The following ZNRF3 variants were observed in gnomAD, a reference collection of about 807,000 sequenced individuals.
ZNRF3 encodes E3 ubiquitin-protein ligase ZNRF3.
In ZNRF3, 23 loss-of-function variants were observed where a neutral mutation model predicts 72.5. The observed-to-expected ratio is 0.32, with a 90% CI of 0.23 to 0.45. The LOEUF is 0.45. ZNRF3 is among the 20% of genes least tolerant of loss of function. The probability of loss-of-function intolerance (pLI) is 1.00; values close to 1 mark genes in which losing one functional copy is unlikely to be tolerated. For synonymous variants in ZNRF3, 610 were observed against 545.3 expected, an observed-to-expected ratio of 1.12 and a Z score of -1.65; for missense variants, 1,169 against 1,272.1, an observed-to-expected ratio of 0.92 and a Z score of 1.23.
At chr22:29,013,909 G>A (rs979617647) in intron 2 of ZNRF3, among the ~76,000 whole-genome samples, 21 of 152,194 alleles carry the variant, frequency 1.4e-4, no homozygotes, top group Non-Finnish European at 2.6e-4. Context: ...TGGTTAGGCT[G>A]GGCGCAATGC....
chr22:28,966,847 A>C (rs1373626462), intron 1 of ZNRF3, among the ~76,000 whole-genome samples: 1 of 151,064 alleles, frequency 6.6e-6, no homozygotes, highest in South Asian at 2.1e-4. Flanking sequence ...CCTAAGTTAC[A>C]GGCACATAGT....
chr22:28,892,357 T>C (rs779160556), intron 1 of ZNRF3, among the ~76,000 whole-genome samples: 7 of 152,196 alleles, frequency 4.6e-5, no homozygotes, highest in Admixed American at 1.3e-4. Flanking sequence ...AAACAGCCTA[T>C]AGGATACTGA....
chr22:29,050,010 C>G lies in ZNRF3; in HGVS notation c.1829C>G (p.Ala610Gly), dbSNP rs769992605. ...RSRSPCRASE[A>G]GGSGSSGRGP... ...CGGAGCCCCTGTCGTGCCAGTGAGG[C>G]GGGGGGCTCGGGCAGCTCGGGCCGG... The change falls in exon 8 of 9, where the codon GCG becomes GGG. Residue 610 changes from alanine to glycine, a missense_variant. Ala to Gly is a moderately conservative substitution (Grantham distance 60). Around this residue, in one of 2 missense-constraint regions of ZNRF3, gnomAD observed 783 missense variants for 731.4 expected, o/e 1.07. Transcript: ENST00000544604. 2 of 1,611,058 alleles carry G rather than the reference C, an allele frequency of 1.2e-6. No individual in the cohort carries two copies. The highest frequency in any genetic ancestry group is 2.7e-5 in the African/African-American group (2 of 74,918).
intron 2 of ZNRF3, among the ~76,000 whole-genome samples, chr22:28,999,817 G>GC (rs1322303279): frequency 6.6e-6 from 1 of 152,178 alleles, no homozygotes; most frequent in African/African-American, 2.4e-5. Context: ...TAGCACCTGT[G>GC]CAGGAGAGCA....
chr22:28,953,328 T>C (rs1046471507), intron 1 of ZNRF3, among the ~76,000 whole-genome samples: 3 of 152,234 alleles, frequency 2.0e-5, no homozygotes, highest in Non-Finnish European at 2.9e-5. Context: ...CGGCCAACTC[T>C]AGGTACGGCT....
At chr22:29,026,324 A>T (rs1306860247) in intron 2 of ZNRF3, 3 of 152,116 alleles carry the variant, frequency 2.0e-5, no homozygotes, top group African/African-American at 7.2e-5. Context: ...CCCATCACTA[A>T]AATTCCTTCT....
chr22:28,948,369 C>T (rs1360036744), intron 1 of ZNRF3, among the ~76,000 whole-genome samples: 1 of 150,636 alleles, frequency 6.6e-6, no homozygotes, highest in Non-Finnish European at 1.5e-5. Flanking sequence ...TCTTGCTTTG[C>T]TGCCTAGGGT....
At chr22:29,037,326 C>T (rs545010667) in intron 2 of ZNRF3, among the ~76,000 whole-genome samples, 11 of 152,260 alleles carry the variant, frequency 7.2e-5, no homozygotes, top group African/African-American at 1.2e-4. Context: ...CTAGGCTTCA[C>T]GTTTTCCCAC....
chr22:29,014,701 TTAAAG>T (rs1336405495), intron 2 of ZNRF3, among the ~76,000 whole-genome samples: 2 of 152,200 alleles, frequency 1.3e-5, no homozygotes, highest in Non-Finnish European at 2.9e-5. Context: ...ACAGTACTTA[TTAAAG>T]TAGACAAGTT....
At chr22:28,948,581 C>T (rs184302792) in intron 1 of ZNRF3, among the ~76,000 whole-genome samples, 5 of 152,312 alleles carry the variant, frequency 3.3e-5, no homozygotes, top group Admixed American at 3.3e-4. Flanking sequence ...CATCCACTTC[C>T]GTACCTAGTC....
At chr22:29,031,931 A>G (rs1424983317) in intron 2 of ZNRF3, among the ~76,000 whole-genome samples, 1 of 152,218 alleles carries the variant, frequency 6.6e-6, no homozygotes, top group Non-Finnish European at 1.5e-5. Flanking sequence ...CAAGCCTTCA[A>G]GCCTATGCTT....
chr22:29,013,922 T>A (rs956954547), intron 2 of ZNRF3, among the ~76,000 whole-genome samples: 3 of 152,236 alleles, frequency 2.0e-5, no homozygotes, highest in African/African-American at 4.8e-5. Context: ...CGCAATGCTC[T>A]AACATAAGCA....
At chr22:28,957,789 T>A (rs1202499812) in intron 1 of ZNRF3, among the ~76,000 whole-genome samples, 2 of 152,102 alleles carry the variant, frequency 1.3e-5, no homozygotes, top group Non-Finnish European at 2.9e-5. Context: ...CCAGTGAAGT[T>A]TCTTGAGACT....
chr22:28,962,874 C>T (rs981391725), intron 1 of ZNRF3, among the ~76,000 whole-genome samples: 2 of 152,188 alleles, frequency 1.3e-5, no homozygotes, highest in Admixed American at 6.5e-5. Flanking sequence ...CAGGGGTCTG[C>T]TCTTAGTTCA....
chr22:28,891,324 G>A (rs2033882264), intron 1 of ZNRF3, among the ~76,000 whole-genome samples: 3 of 152,234 alleles, frequency 2.0e-5, no homozygotes, highest in Non-Finnish European at 4.4e-5. Context: ...GGGGACACCA[G>A]ATGCAGGGCA....
chr22:28,940,096 A>G (rs2034914330), intron 1 of ZNRF3, among the ~76,000 whole-genome samples: 1 of 152,156 alleles, frequency 6.6e-6, no homozygotes, highest in African/African-American at 2.4e-5. Context: ...TAGCCAGGGC[A>G]ATTCTTACCA....
intron 1 of ZNRF3, among the ~76,000 whole-genome samples, chr22:28,965,085 G>T (rs2035435022): frequency 6.6e-6 from 1 of 152,162 alleles, no homozygotes; most frequent in Non-Finnish European, 1.5e-5. Context: ...GAAGGGAGCA[G>T]GACCGAGGGC....
rs2036730816 is a variant in ZNRF3, at chr22:29,030,698, A to G, written c.427-11797A>G. ...CGCCCCGAAAGTCCCGGCCCGCTGG[A>G]TTGGGGGTTCGGGGGTGGGGGGAAC... is the stretch of plus-strand genomic sequence containing the variant. On this transcript the variant is annotated intron_variant, in intron 2 of 8. Coordinates refer to ENST00000544604, the MANE Select transcript of ZNRF3 (RefSeq NM_001206998.2). The surrounding 1 kb of genome is among the most constrained non-coding windows in gnomAD (Gnocchi z 4.2). Among the ~76,000 whole-genome samples, 1 of 99,644 alleles carries G rather than the reference A, an allele frequency of 1.0e-5. No individual in the cohort carries two copies. Among genetic ancestry groups the G allele is most frequent in the South Asian group, 3.5e-4 (1 of 2,890 alleles). The allele number at this position is 99,644 out of a possible 152,430, so 65.4% of individuals were successfully genotyped here.
chr22:28,937,205 ATATATATATATTTTTTTTTTTTTT>A (rs1455123545), intron 1 of ZNRF3, among the ~76,000 whole-genome samples: 8 of 4,040 alleles, frequency 2.0e-3, no homozygotes, highest in Non-Finnish European at 5.5e-3. Context: ...ATATATATAT[ATATATATATATTTTTTTTTTTTTT>A]TTTTTTTTTA....
Sources: allele counts gnomAD v4.1 joint callset (sites outside exome capture counted in the v4.1 genomes callset), GRCh38; gene constraint gnomAD v4.1.1; regional missense constraint gnomAD v4.1.1; non-coding constraint Gnocchi (gnomAD v3.1); transcripts MANE v1.5; gene names NCBI Gene and HGNC (gene_info 2026-07-23, HGNC 2026-07-21).